The following GALNT17 variants were observed in gnomAD, a reference collection of about 807,000 sequenced individuals.
GALNT17 encodes the protein UDP-GalNAc:polypeptide N-acetylgalactosaminyltransferase-like 3.
GALNT17 carries 29 observed loss-of-function variants against 63.7 expected under a neutral mutation model. The ratio of observed to expected loss-of-function variants is 0.46; its 90% CI spans 0.34 to 0.62. The LOEUF (loss-of-function observed/expected upper bound fraction) is 0.62, where lower values mean the gene tolerates loss of function less well. Among genes scored for constraint, GALNT17 ranks in the 20% least tolerant of loss-of-function variants. The pLI is 0.01. For synonymous variants in GALNT17, 305 were observed against 318.3 expected (o/e 0.96, Z 0.45); for missense variants, 603 against 799.6 (o/e 0.75, Z 2.97).
At chr7:71,145,117 A>G (rs1440190284) in intron 1 of GALNT17, among the ~76,000 whole-genome samples, 1 of 152,162 alleles carries the variant, frequency 6.6e-6, no homozygotes, top group Non-Finnish European at 1.5e-5. Context: ...TGAAATTGTC[A>G]GGATGTGGAA....
At chr7:71,467,660 G>A (rs149265103) in intron 5 of GALNT17, among the ~76,000 whole-genome samples, 179 of 152,184 alleles carry the variant, frequency 1.2e-3, no homozygotes, top group African/African-American at 4.1e-3. Context: ...GCAGGACTTT[G>A]GCTGCTGAGC....
intron 5 of GALNT17, among the ~76,000 whole-genome samples, chr7:71,515,259 G>A (rs1218240398): frequency 1.3e-5 from 2 of 152,142 alleles, no homozygotes; most frequent in African/African-American, 4.8e-5. Flanking sequence ...GGCTCGGGTT[G>A]GCATTGCATT....
rs143593835 is a variant in GALNT17 at position 71,679,434 on chromosome 7, A to C, written c.1500+2128A>C. ...AATAAGTGCACGTCTTCATTCATTC[A>C]TTCACTCAACTAATATGTCTTGATT... On this transcript the variant is annotated intron_variant, in intron 9 of 10. Transcript: ENST00000333538. Among the ~76,000 whole-genome samples the C allele has an allele frequency of 2.6e-5, 4 of 152,218 alleles. No individual in the cohort carries two copies. The East Asian group carries it at 7.7e-4, about 29-fold the overall frequency.
At chr7:71,693,309 C>CATATATATATATATATATATATAT (rs369668179) in intron 9 of GALNT17, among the ~76,000 whole-genome samples, 1 of 124,200 alleles carries the variant, frequency 8.1e-6, no homozygotes, top group Non-Finnish European at 1.7e-5. Context: ...CACACACACA[C>CATATATATATATATATATATATAT]ATATATATAT....
At chr7:71,504,377 T>A (rs1009143187) in intron 5 of GALNT17, among the ~76,000 whole-genome samples, 1 of 151,834 alleles carries the variant, frequency 6.6e-6, no homozygotes, top group East Asian at 1.9e-4. Flanking sequence ...GCGACAGAGC[T>A]AGACTCCGTC....
At chr7:71,347,700 T>C (rs1384370296) in intron 2 of GALNT17, among the ~76,000 whole-genome samples, 1 of 151,602 alleles carries the variant, frequency 6.6e-6, no homozygotes, top group African/African-American at 2.4e-5. Flanking sequence ...CTGGGGAGGG[T>C]ATTTTCCTTC....
intron 5 of GALNT17, among the ~76,000 whole-genome samples, chr7:71,463,858 G>T (rs1474342151): frequency 2.0e-5 from 3 of 152,114 alleles, no homozygotes; most frequent in African/African-American, 7.2e-5. Flanking sequence ...TTGCCATCTT[G>T]GTTTTGGTGG....
At chr7:71,201,324 T>G (rs1385909941) in intron 1 of GALNT17, among the ~76,000 whole-genome samples, 1 of 151,336 alleles carries the variant, frequency 6.6e-6, no homozygotes, top group Non-Finnish European at 1.5e-5. Context: ...ATATTGGCTT[T>G]CTTTTCATGT....
chr7:71,137,510 G>A (rs1052396457), intron 1 of GALNT17, among the ~76,000 whole-genome samples: 28 of 152,164 alleles, frequency 1.8e-4, no homozygotes, highest in African/African-American at 6.0e-4. Context: ...GGCACTTAAG[G>A]TTTATTGGTT....
At chr7:71,199,409 C>T (rs1287526940) in intron 1 of GALNT17, among the ~76,000 whole-genome samples, 1 of 152,130 alleles carries the variant, frequency 6.6e-6, no homozygotes, top group African/African-American at 2.4e-5. Flanking sequence ...CGTCCATCAT[C>T]TGTCTGTCCA....
intron 2 of GALNT17, among the ~76,000 whole-genome samples, chr7:71,369,905 G>A (rs535189663): frequency 4.6e-5 from 7 of 151,954 alleles, no homozygotes; most frequent in Non-Finnish European, 1.0e-4. Flanking sequence ...AATTCTACAG[G>A]ACGTTCAAAA....
intron 5 of GALNT17, among the ~76,000 whole-genome samples, chr7:71,496,603 A>C (rs1343399576): frequency 6.6e-6 from 1 of 152,086 alleles, no homozygotes; most frequent in Non-Finnish European, 1.5e-5. Context: ...TGGAGGAGAG[A>C]GACCATGAGG....
chr7:71,618,488 C>T (rs1210594717), intron 6 of GALNT17, among the ~76,000 whole-genome samples: 1 of 152,092 alleles, frequency 6.6e-6, no homozygotes, highest in Non-Finnish European at 1.5e-5. Context: ...TGTTTCTTGC[C>T]TTTTTAGTAA....
chr7:71,136,972 A>G (rs181746062), intron 1 of GALNT17, among the ~76,000 whole-genome samples: 113 of 151,628 alleles, frequency 7.5e-4, no homozygotes, highest in African/African-American at 2.7e-3. Flanking sequence ...TTTTTTGTAG[A>G]GATGGGGTTC....
chr7:71,448,335 TTGA>T (rs1389471572), intron 5 of GALNT17, among the ~76,000 whole-genome samples: 2 of 151,714 alleles, frequency 1.3e-5, no homozygotes, highest in Non-Finnish European at 2.9e-5. Flanking sequence ...GTGTGCATTG[TTGA>T]TATCCTTACT....
intron 2 of GALNT17, among the ~76,000 whole-genome samples, chr7:71,361,078 A>G (rs1583888869): frequency 6.6e-6 from 1 of 152,272 alleles, no homozygotes; most frequent in Admixed American, 6.5e-5. Flanking sequence ...ATGTAACTGA[A>G]TGACATCCTG....
intron 5 of GALNT17, among the ~76,000 whole-genome samples, chr7:71,517,083 T>C (rs1788457691): frequency 6.6e-6 from 1 of 152,168 alleles, no homozygotes; most frequent in African/African-American, 2.4e-5. Flanking sequence ...TCTCATGTCT[T>C]AGCTTAGGCG....
At chr7:71,270,538 C>CAAAA (rs573250852) in intron 1 of GALNT17, among the ~76,000 whole-genome samples, 83 of 89,038 alleles carry the variant, frequency 9.3e-4, no homozygotes, top group African/African-American at 1.2e-3. Flanking sequence ...CCCACCCCAC[C>CAAAA]AAAAAAAAAA....
intron 1 of GALNT17, among the ~76,000 whole-genome samples, chr7:71,317,947 G>A (rs1791530201): frequency 6.6e-6 from 1 of 152,068 alleles, no homozygotes; most frequent in Admixed American, 6.6e-5. Flanking sequence ...AGGGGGACAG[G>A]TTCTCACCCT....
Sources: allele counts gnomAD v4.1 joint callset (sites outside exome capture counted in the v4.1 genomes callset), GRCh38; gene constraint gnomAD v4.1.1; transcripts MANE v1.5; gene names NCBI Gene and HGNC (gene_info 2026-07-23, HGNC 2026-07-21).